ECPAS: variants seen among roughly 807,000 people sequenced by gnomAD.
The protein encoded by ECPAS is proteasome adapter and scaffold protein ECM29.
A neutral mutation model predicts 255.1 loss-of-function variants in ECPAS; 70 were observed. That is an observed-to-expected ratio of 0.27 (90% CI 0.23 to 0.33). The LOEUF (loss-of-function observed/expected upper bound fraction) is 0.33, where lower values mean the gene tolerates loss of function less well. Among genes scored for constraint, ECPAS ranks in the 10% least tolerant of loss-of-function variants. The pLI, the probability that ECPAS is intolerant of heterozygous loss-of-function variation, is 1.00. For missense variants in ECPAS, 1,817 were observed against 2,206.4 expected (o/e 0.82, Z 3.54); for synonymous variants, 784 against 775.0 (o/e 1.01, Z -0.19).
chr9:111,372,396 A>G (rs1489141624), intron 42 of ECPAS, 33 bp downstream of exon 42: 1 of 1,577,418 alleles, frequency 6.3e-7, no homozygotes, highest in East Asian at 2.2e-5. Flanking sequence ...GTGATTCCTA[A>G]GAAGCAGGTT....
intron 18 of ECPAS, among the ~76,000 whole-genome samples, chr9:111,415,096 T>A (rs1053900022): frequency 2.0e-5 from 3 of 152,056 alleles, no homozygotes; most frequent in African/African-American, 7.2e-5. Context: ...GGGCTTAATA[T>A]CTGGGTAATG....
intron 46 of ECPAS, among the ~76,000 whole-genome samples, chr9:111,368,773 A>G (rs2098123787): frequency 6.6e-6 from 1 of 152,340 alleles, no homozygotes; most frequent in South Asian, 2.1e-4. Flanking sequence ...TCAGACTTCT[A>G]TCCTCCAGAA....
At chr9:111,383,623 T>A (rs1277196240) in intron 34 of ECPAS, among the ~76,000 whole-genome samples, 1 of 152,140 alleles carries the variant, frequency 6.6e-6, no homozygotes, top group Non-Finnish European at 1.5e-5. Context: ...AAGAAAGCAC[T>A]TTAAAAAAGG....
chr9:111,412,378 TC>T (rs2098196064), intron 20 of ECPAS, among the ~76,000 whole-genome samples: 1 of 152,140 alleles, frequency 6.6e-6, no homozygotes, highest in South Asian at 2.1e-4. Flanking sequence ...TCACAGATGA[TC>T]TAAAACAAGG....
At chr9:111,406,524 C>A (rs1372402920) in intron 24 of ECPAS, among the ~76,000 whole-genome samples, 2 of 149,842 alleles carry the variant, frequency 1.3e-5, no homozygotes, top group Admixed American at 1.3e-4. Flanking sequence ...GCTCCAAACA[C>A]AAAGAAATGA....
At chr9:111,411,269 C>T (rs1446163215) in intron 21 of ECPAS, 127 bp from the exon 22 acceptor site, 2 of 978,604 alleles carry the variant, frequency 2.0e-6, no homozygotes, top group Non-Finnish European at 3.0e-6. Flanking sequence ...ATAAAGTGAA[C>T]ACTCGAGGTT....
Position 111,444,393 on chromosome 9 carries a change from T to G in ECPAS, c.255A>C (p.Ala85=). 1 of 1,610,798 alleles carries G rather than the reference T, an allele frequency of 6.2e-7. No individual in the cohort carries two copies. The highest frequency in any genetic ancestry group is 8.5e-7 in the Non-Finnish European group (1 of 1,178,476). Residue 85 remains alanine (A), a synonymous_variant, in exon 4 of 50, where the codon GCA becomes GCC. Coordinates refer to ENST00000684092, the MANE Select transcript of ECPAS (RefSeq NM_001364929.1). Reference sequence around the variant, plus strand: ...CAACACTCACTGTGACAAAGGAAACTGCAGCAGGGTCCTGGTACTGAACCA... The same window carrying G: ...CAACACTCACTGTGACAAAGGAAACGGCAGCAGGGTCCTGGTACTGAACCA... ...TLLVQYQDPA[A]VSFVTNFTII...
intron 24 of ECPAS, among the ~76,000 whole-genome samples, chr9:111,404,787 A>C (rs2098181478): frequency 3.4e-5 from 5 of 147,180 alleles, no homozygotes; most frequent in Admixed American, 3.3e-4. Context: ...AGAAGTCAAG[A>C]AAGCAATCCT....
chr9:111,467,770 T>C (rs1448227906), intron 2 of ECPAS, among the ~76,000 whole-genome samples: 1 of 152,198 alleles, frequency 6.6e-6, no homozygotes, highest in Admixed American at 6.5e-5. Flanking sequence ...CAGATATAAG[T>C]ATATAAAATA....
chr9:111,400,094 C>T (rs1454503154), intron 24 of ECPAS, among the ~76,000 whole-genome samples: 1 of 152,208 alleles, frequency 6.6e-6, no homozygotes, highest in African/African-American at 2.4e-5. Flanking sequence ...GGGAAGAGAG[C>T]AAGAAACTTT....
chr9:111,364,564 T>C (rs1202465732), intron 48 of ECPAS, among the ~76,000 whole-genome samples: 2 of 152,158 alleles, frequency 1.3e-5, no homozygotes, highest in Non-Finnish European at 2.9e-5. Context: ...AAAATCATCT[T>C]AGTAAAAATT....
intron 2 of ECPAS, among the ~76,000 whole-genome samples, chr9:111,452,347 G>A (rs1178801791): frequency 6.6e-6 from 1 of 152,100 alleles, no homozygotes; most frequent in Non-Finnish European, 1.5e-5. Flanking sequence ...TTCGATCTGC[G>A]TGATTATAGA....
At chr9:111,425,938 C>T (rs2098220895) in intron 10 of ECPAS, 110 bp from the exon 11 acceptor site, 2 of 562,404 alleles carry the variant, frequency 3.6e-6, no homozygotes, top group Non-Finnish European at 6.2e-6. Context: ...TCTCGTTCTT[C>T]AACATTAATG....
intron 2 of ECPAS, among the ~76,000 whole-genome samples, chr9:111,455,817 T>C (rs190412747): frequency 1.3e-5 from 2 of 152,308 alleles, no homozygotes; most frequent in East Asian, 3.9e-4. Context: ...GCTGTGTGAC[T>C]CCACCAGAAG....
At chr9:111,466,487 C>A (rs1387724527) in intron 2 of ECPAS, among the ~76,000 whole-genome samples, 1 of 151,868 alleles carries the variant, frequency 6.6e-6, no homozygotes, top group Non-Finnish European at 1.5e-5. Context: ...CATTTGATCT[C>A]AAAGGAAAAG....
chr9:111,395,529 G>C (rs1217566264), intron 25 of ECPAS, among the ~76,000 whole-genome samples: 1 of 152,066 alleles, frequency 6.6e-6, no homozygotes, highest in African/African-American at 2.4e-5. Flanking sequence ...ACATTTAATG[G>C]ACAATTGGAG....
intron 12 of ECPAS, among the ~76,000 whole-genome samples, chr9:111,423,938 T>C (rs1449471208): frequency 1.2e-4 from 19 of 152,212 alleles, no homozygotes; most frequent in Non-Finnish European, 1.5e-5. Context: ...TGGCTACTCT[T>C]ATGGATTCAT....
intron 23 of ECPAS, 144 bp from the exon 24 acceptor site, chr9:111,408,816 C>T (rs2098189230): frequency 2.1e-6 from 1 of 484,442 alleles, no homozygotes. Context: ...TCAAATTTTA[C>T]AGTCGTATGT....
chr9:111,463,896 T>C (rs1033068561), intron 2 of ECPAS, among the ~76,000 whole-genome samples: 1 of 152,172 alleles, frequency 6.6e-6, no homozygotes, highest in Non-Finnish European at 1.5e-5. Context: ...TCTAGCAAAG[T>C]TGAAGAGGAA....
Sources: allele counts gnomAD v4.1 joint callset (sites outside exome capture counted in the v4.1 genomes callset), GRCh38; gene constraint gnomAD v4.1.1; transcripts MANE v1.5; gene names NCBI Gene and HGNC (gene_info 2026-07-23, HGNC 2026-07-21).